Variants in KATNAL2 observed in about 807,000 individuals in gnomAD.
The protein encoded by KATNAL2 is katanin p60 ATPase-containing subunit A-like 2.
In KATNAL2, 52 loss-of-function variants were observed where a neutral mutation model predicts 76.3. The ratio of observed to expected loss-of-function variants is 0.68; its 90% CI spans 0.55 to 0.86. The LOEUF is 0.86. Ranked by LOEUF, KATNAL2 falls within the 40% of genes least tolerant of loss-of-function variation. The pLI is 0.00. For synonymous variants in KATNAL2, 243 were observed against 244.2 expected, an observed-to-expected ratio of 1.00 and a Z score of 0.05; for missense variants, 660 against 668.9, an observed-to-expected ratio of 0.99 and a Z score of 0.15.
At chr18:46,939,257 C>G (rs111769745) in intron 1 of KATNAL2, among the ~76,000 whole-genome samples, 1 of 151,544 alleles carries the variant, frequency 6.6e-6, no homozygotes, top group East Asian at 1.9e-4. Flanking sequence ...TTGTTGAACC[C>G]GGGAGGCGGA....
At chr18:46,944,971 G>A (rs766373418) in intron 1 of KATNAL2, among the ~76,000 whole-genome samples, 10 of 152,138 alleles carry the variant, frequency 6.6e-5, no homozygotes, top group South Asian at 4.1e-4. Context: ...GATGATGTGC[G>A]TACTTACATG....
chr18:47,086,484 T>C lies in KATNAL2; in HGVS notation c.1211+9023T>C, dbSNP rs559874562. Among the ~76,000 whole-genome samples, 4 of 152,156 alleles carry C rather than the reference T, an allele frequency of 2.6e-5. No individual in the cohort carries two copies. In the South Asian group the frequency reaches 8.3e-4, roughly 32 times the overall value. On this transcript the variant is annotated intron_variant, in intron 15 of 17. Transcript: ENST00000683218. ...ACACCCACCACCATGCCCAGCTAAT[T>C]TTTTGTATTTTTAGTAGAGGTGGGG...
intron 1 of KATNAL2, among the ~76,000 whole-genome samples, chr18:46,930,744 G>A (rs2058882749): frequency 6.6e-6 from 1 of 151,650 alleles, no homozygotes; most frequent in Admixed American, 6.6e-5. Context: ...GAACCTGGGA[G>A]GTGTAGGTTG....
chr18:46,927,341 T>C (rs1385672953), intron 1 of KATNAL2, among the ~76,000 whole-genome samples: 1 of 152,178 alleles, frequency 6.6e-6, no homozygotes, highest in Non-Finnish European at 1.5e-5. Context: ...CCTTCACTTA[T>C]GATGCTTAGT....
At chr18:47,078,618 C>T (rs958565245) in intron 15 of KATNAL2, among the ~76,000 whole-genome samples, 16 of 152,132 alleles carry the variant, frequency 1.1e-4, no homozygotes, top group Non-Finnish European at 1.2e-4. Flanking sequence ...ATATTAGAGT[C>T]AGCTAGGGAG....
chr18:47,065,464 A>T (rs752969035), intron 10 of KATNAL2, among the ~76,000 whole-genome samples: 44 of 151,842 alleles, frequency 2.9e-4, no homozygotes, highest in Admixed American at 1.4e-3. Flanking sequence ...GGGAACAGGG[A>T]GAGGTTCTGG....
chr18:47,077,344 T>A lies in KATNAL2; in HGVS notation c.1101-7T>A. The stretch of plus-strand genomic sequence containing the variant: ...ACTTAGGAGAATCACGTCTTGTCTC[T>A]CTGTAGGGGAGAACATGAAGGAAGC... On this transcript the variant is annotated splice_polypyrimidine_tract_variant and splice_region_variant and intron_variant, in intron 14 of 17. Transcript: ENST00000683218. 6.2e-7 allele frequency: 1 copy of A among 1,608,262 alleles called. No individual in the cohort carries two copies.
chr18:47,038,029 T>C (rs748268936), intron 3 of KATNAL2, among the ~76,000 whole-genome samples: 1 of 152,094 alleles, frequency 6.6e-6, no homozygotes, highest in Non-Finnish European at 1.5e-5. Context: ...GACAGAGTTC[T>C]AAAGGACTCA....
intron 15 of KATNAL2, among the ~76,000 whole-genome samples, chr18:47,086,733 T>C (rs1054975004): frequency 1.3e-5 from 2 of 152,252 alleles, no homozygotes; most frequent in Admixed American, 6.5e-5. Context: ...TGATCTTCCA[T>C]GTGTGTTTTA....
intron 11 of KATNAL2, 51 bp downstream of exon 11, chr18:47,067,170 C>A (rs2061840531): frequency 1.1e-6 from 1 of 877,070 alleles, no homozygotes; most frequent in Non-Finnish European, 1.8e-6. Flanking sequence ...ATCCATTGGA[C>A]AAGCTGTATG....
At chr18:47,078,306 T>C (rs1399016397) in intron 15 of KATNAL2, among the ~76,000 whole-genome samples, 1 of 152,000 alleles carries the variant, frequency 6.6e-6, no homozygotes, top group Admixed American at 6.6e-5. Flanking sequence ...GCTAATTATC[T>C]GGGACCCCCC....
At chr18:47,079,790 A>C (rs1323738467) in intron 15 of KATNAL2, among the ~76,000 whole-genome samples, 1 of 152,138 alleles carries the variant, frequency 6.6e-6, no homozygotes, top group Admixed American at 6.5e-5. Context: ...CTGTAATTAG[A>C]CTAAAGGTTA....
intron 13 of KATNAL2, 86 bp downstream of exon 13, chr18:47,069,686 G>T: frequency 1.2e-6 from 1 of 819,930 alleles, no homozygotes; most frequent in Non-Finnish European, 2.0e-6. Context: ...TTGCTTTTAG[G>T]TGATTTTATG....
At chr18:47,059,918 C>T (rs2061582217) in intron 8 of KATNAL2, among the ~76,000 whole-genome samples, 1 of 151,940 alleles carries the variant, frequency 6.6e-6, no homozygotes, top group African/African-American at 2.4e-5. Flanking sequence ...AAGAGATTGT[C>T]TCTAGTGTTC....
intron 3 of KATNAL2, among the ~76,000 whole-genome samples, chr18:46,959,796 A>G (rs1220222541): frequency 6.6e-6 from 1 of 152,150 alleles, no homozygotes; most frequent in Non-Finnish European, 1.5e-5. Context: ...GCTGGCCTCA[A>G]ACTCCTGACT....
intron 3 of KATNAL2, among the ~76,000 whole-genome samples, chr18:46,952,681 G>A (rs983842561): frequency 2.0e-5 from 3 of 152,178 alleles, no homozygotes; most frequent in Middle Eastern, 3.4e-3. Context: ...TTACAGGCGT[G>A]AGCCACTGCC....
rs1208476168 is a variant in KATNAL2, at chr18:47,100,907, A to T, written c.1519A>T (p.Thr507Ser). The T allele has an allele frequency of 6.2e-7, 1 of 1,614,078 alleles. No individual in the cohort carries two copies. The highest frequency in any genetic ancestry group is 8.5e-7 in the Non-Finnish European group (1 of 1,180,046). ...CAGGATCCAGTTGGATATAGTAACC[A>T]CTGCCGACTTTCTGGATGTGCTAAC... ...LPRIQLDIVT[T>S]ADFLDVLTHT... The change falls in exon 18 of 18, where the codon ACT becomes TCT. Residue 507 changes from threonine (T) to serine (S), a missense_variant. Transcript: ENST00000683218.
At chr18:47,031,921 T>G (rs755782628) in intron 3 of KATNAL2, among the ~76,000 whole-genome samples, 13 of 152,172 alleles carry the variant, frequency 8.5e-5, no homozygotes, top group African/African-American at 1.2e-4. Flanking sequence ...TGGCATACGT[T>G]CCTTTGATTA....
chr18:47,060,276 G>A (rs1338748182), intron 8 of KATNAL2, among the ~76,000 whole-genome samples: 2 of 152,108 alleles, frequency 1.3e-5, no homozygotes, highest in African/African-American at 2.4e-5. Flanking sequence ...GGACATCTGC[G>A]TTATTTAGTG....
Sources: allele counts gnomAD v4.1 joint callset (sites outside exome capture counted in the v4.1 genomes callset), GRCh38; gene constraint gnomAD v4.1.1; transcripts MANE v1.5; gene names NCBI Gene and HGNC (gene_info 2026-07-23, HGNC 2026-07-21).